Variants in COG7 observed in about 807,000 individuals in gnomAD.
The protein encoded by COG7 is conserved oligomeric Golgi complex subunit 7.
Under a neutral mutation model 91.5 loss-of-function variants are expected in COG7, and 49 were observed. That is an observed-to-expected ratio of 0.54 (90% CI 0.43 to 0.68). COG7 has a LOEUF of 0.68. COG7 is among the 30% of genes least tolerant of loss of function. COG7 has a pLI of 0.00. For missense variants in COG7, 895 were observed against 961.3 expected (o/e 0.93, Z 0.91); for synonymous variants, 365 against 388.7 (o/e 0.94, Z 0.72).
At chr16:23,433,408 AC>A in intron 6 of COG7, 136 bp downstream of exon 6, 2 of 1,140,794 alleles carry the variant, frequency 1.8e-6, no homozygotes, top group South Asian at 1.3e-5. Context: ...TTATTTTTTA[AC>A]CCCTTGAATG....
chr16:23,445,841 A>G lies in COG7; in HGVS notation c.290T>C (p.Phe97Ser), dbSNP rs1294540332. The G allele has an allele frequency of 1.2e-6, 2 of 1,613,980 alleles. No homozygotes were observed. The change falls in exon 2 of 17, where the codon TTT (phenylalanine) becomes TCT (serine). Residue 97 changes from phenylalanine to serine, a missense_variant. Phe to Ser is a radical substitution (Grantham distance 155). Coordinates refer to ENST00000307149, the MANE Select transcript of COG7 (RefSeq NM_153603.4). ...MILVKEDIKKFEQDTSQSMQV... is the reference protein window; with the variant it reads ...MILVKEDIKKSEQDTSQSMQV... The stretch of plus-strand genomic sequence containing the variant: ...CATGGATTGAGATGTGTCCTGTTCA[A>G]ATTTTTTAATGTCCTCCTTGACAAG...
At chr16:23,433,462 T>G in intron 6 of COG7, 83 bp downstream of exon 6, 1 of 1,554,486 alleles carries the variant, frequency 6.4e-7, no homozygotes, top group Non-Finnish European at 8.9e-7. Flanking sequence ...GCTCTGCAGT[T>G]GAGGGTGGCC....
At position 23,417,086 on chromosome 16, in the gene COG7, C is replaced by G; in HGVS notation, c.1173G>C (p.Leu391=). 1 of 1,614,230 alleles carries G rather than the reference C, an allele frequency of 6.2e-7. No homozygotes were observed. The highest frequency in any genetic ancestry group is 1.1e-5 in the South Asian group (1 of 91,088). The change falls in exon 9 of 17, where the codon CTG becomes CTC. Residue 391 remains leucine (L), a synonymous_variant. Transcript: ENST00000307149. ...CAAACAGCTTGTTCACGGAGTGGCTCAGCTCCTGCACACAGTCAATCACTT... is the reference window on the plus strand; with the variant it reads ...CAAACAGCTTGTTCACGGAGTGGCTGAGCTCCTGCACACAGTCAATCACTT... ...HGEVIDCVQE[L]SHSVNKLFGL...
rs779532406 is a variant in COG7 at position 23,433,536 on chromosome 16, A to T, written c.810+9T>A. On this transcript the variant is annotated intron_variant, in intron 6 of 16. Coordinates refer to ENST00000307149, the MANE Select transcript of COG7 (RefSeq NM_153603.4). ...CTCTGTTCTCCCTAGAACAAAAATG[A>T]GCTGTTACCTGTGTAGCCCACTGGA... is the stretch of plus-strand genomic sequence containing the variant. 6.2e-7 allele frequency: 1 copy of T among 1,613,980 alleles called. No individual in the cohort carries two copies. The highest frequency in any genetic ancestry group is 8.5e-7 in the Non-Finnish European group (1 of 1,179,962).
chr16:23,411,401 C>T (rs1364731727), intron 10 of COG7, among the ~76,000 whole-genome samples: 1 of 152,178 alleles, frequency 6.6e-6, no homozygotes, highest in Non-Finnish European at 1.5e-5. Flanking sequence ...TAAAATATTC[C>T]ACTTCCCTTA....
In COG7 at chr16:23,445,164, C is replaced by T. The variant is rs550355383; in HGVS notation, c.319G>A (p.Val107Met). The part of the protein sequence containing the change: ...FEQDTSQSMQ[V>M]LVEIDQVKSR... ...TTCACTTGGTCAATTTCTACCAACA[C>T]CTGAAAGAGGCGTGAGGGGTGAAAA... The change falls in exon 3 of 17, where the codon GTG (valine) becomes ATG (methionine). Residue 107 changes from valine to methionine, a missense_variant and splice_region_variant. By Grantham distance (21) the Val-to-Met change is conservative. Coordinates refer to ENST00000307149, the MANE Select transcript of COG7 (RefSeq NM_153603.4). 1.2e-5 allele frequency: 19 copies of T among 1,610,148 alleles called. No individual in the cohort carries two copies. The South Asian group carries it at 1.3e-4, about 11-fold the overall frequency.
At chr16:23,419,761 A>C (rs1380000458) in intron 7 of COG7, among the ~76,000 whole-genome samples, 3 of 150,790 alleles carry the variant, frequency 2.0e-5, no homozygotes, top group Non-Finnish European at 4.4e-5. Flanking sequence ...AAAAAAAAAA[A>C]AAAAAAGAAC....
At chr16:23,395,996 C>T (rs1018165627) in intron 14 of COG7, among the ~76,000 whole-genome samples, 6 of 152,212 alleles carry the variant, frequency 3.9e-5, no homozygotes, top group African/African-American at 9.6e-5. Context: ...GTGCTATGCA[C>T]GTAAAGCAGC....
In COG7 at chr16:23,452,909, G is replaced by A. The variant is rs146918812; in HGVS notation, c.86C>T (p.Ala29Val). The change falls in exon 1 of 17, where the codon GCG (alanine) becomes GTG (valine). Residue 29 changes from alanine to valine, a missense_variant. Physicochemically the swap from Ala to Val is moderately conservative, Grantham distance 64 (BLOSUM62 0). Coordinates refer to ENST00000307149, the MANE Select transcript of COG7 (RefSeq NM_153603.4). ...AAFRAGSKEA[A>V]SGKADGHAAT... ...TGCGTGGCCATCCGCCTTCCCGGAC[G>A]CCGCCTCCTTGGAGCCGGCCCTGAA... 4.8e-4 allele frequency: 771 copies of A among 1,614,052 alleles called. No individual in the cohort carries two copies. Among genetic ancestry groups the A allele is most frequent in the Non-Finnish European group, 5.9e-4 (698 of 1,179,990 alleles).
chr16:23,428,057 G>T (rs1267946550), intron 6 of COG7, among the ~76,000 whole-genome samples: 50 of 152,080 alleles, frequency 3.3e-4, no homozygotes, highest in Admixed American at 3.3e-3. Context: ...TGCACCTGCA[G>T]TCCCAGCTAC....
At chr16:23,427,700 G>T (rs778121608) in intron 6 of COG7, among the ~76,000 whole-genome samples, 12 of 152,066 alleles carry the variant, frequency 7.9e-5, no homozygotes, top group Non-Finnish European at 1.5e-4. Flanking sequence ...GATGAAAACT[G>T]CCCTCTGACT....
At position 23,398,872 on chromosome 16, in the gene COG7, G is replaced by A. The variant is rs566345793; in HGVS notation, c.1804-743C>T. On this transcript the variant is annotated intron_variant, in intron 13 of 16. Coordinates refer to ENST00000307149, the MANE Select transcript of COG7 (RefSeq NM_153603.4). ...GCCATTTGGAGTGGAAACATCTTCC[G>A]TGTTGTTGTGGAAGCCTTCCCAGCA... Among the ~76,000 whole-genome samples the A allele has an allele frequency of 2.6e-5, 4 of 152,270 alleles. No homozygotes were observed. The East Asian group carries it at 7.7e-4, about 29-fold the overall frequency.
chr16:23,436,905 A>G (rs1218144842), intron 4 of COG7, among the ~76,000 whole-genome samples: 1 of 152,164 alleles, frequency 6.6e-6, no homozygotes, highest in African/African-American at 2.4e-5. Flanking sequence ...CCAGGAAAAT[A>G]TCTGTACTAC....
chr16:23,419,802 C>T (rs893039329), intron 7 of COG7, among the ~76,000 whole-genome samples: 2 of 139,514 alleles, frequency 1.4e-5, no homozygotes, highest in South Asian at 4.8e-4. Flanking sequence ...ACAGGAAGAA[C>T]AATTCCCATG....
At chr16:23,412,616 C>G (rs1012987048) in intron 10 of COG7, 2 of 152,256 alleles carry the variant, frequency 1.3e-5, no homozygotes, top group African/African-American at 2.4e-5. Context: ...TAGTGGCCCA[C>G]AGGCCACACA....
intron 4 of COG7, among the ~76,000 whole-genome samples, chr16:23,441,423 A>G (rs1964099337): frequency 6.6e-6 from 1 of 152,150 alleles, no homozygotes; most frequent in Non-Finnish European, 1.5e-5. Context: ...GAAAATATAA[A>G]AATTAGCCAG....
intron 3 of COG7, 40 bp from the exon 4 acceptor site, chr16:23,442,685 T>TC (rs1296855140): frequency 6.5e-7 from 1 of 1,541,630 alleles, no homozygotes; most frequent in Non-Finnish European, 9.0e-7. Context: ...TTTTAAATGA[T>TC]CCCTACTGCC....
chr16:23,436,569 A>G (rs778807569), intron 4 of COG7, among the ~76,000 whole-genome samples: 2 of 152,002 alleles, frequency 1.3e-5, no homozygotes, highest in Non-Finnish European at 2.9e-5. Flanking sequence ...CCCCGTCTCT[A>G]CTAAAAATAT....
intron 16 of COG7, among the ~76,000 whole-genome samples, chr16:23,390,496 G>A (rs535637924): frequency 2.4e-4 from 36 of 152,110 alleles, no homozygotes; most frequent in African/African-American, 7.7e-4. Context: ...GAGCCACCGC[G>A]CTCAGTGCCC....
Sources: gnomAD v4.1 joint callset for allele counts (sites outside exome capture counted in the v4.1 genomes callset) on GRCh38, gnomAD v4.1.1 for gene constraint, MANE v1.5 for transcripts, NCBI Gene and HGNC (gene_info 2026-07-23, HGNC 2026-07-21) for gene names.